RADX: variants seen among roughly 807,000 people sequenced by gnomAD.
The protein encoded by RADX is RPA1 related single stranded DNA binding protein, X-linked.
RADX carries 36 observed loss-of-function variants against 61.6 expected under a neutral mutation model. The observed-to-expected ratio is 0.58, with a 90% confidence interval of 0.45 to 0.77. The LOEUF is 0.77. RADX is among the 30% of genes least tolerant of loss of function. The pLI, the probability that RADX is intolerant of heterozygous loss-of-function variation, is 0.00. For missense variants in RADX, 497 were observed against 651.1 expected (o/e 0.76, Z 2.58); for synonymous variants, 272 against 237.9 (o/e 1.14, Z -1.32).
intron 1 of RADX, among the ~76,000 whole-genome samples, chrX:106,617,020 G>GTTTTTTTTTTTTTT (rs60413185): frequency 5.5e-5 from 3 of 54,544 alleles, no homozygotes; most frequent in Admixed American, 2.1e-4. Flanking sequence ...GTGTGTGTGG[G>GTTTTTTTTTTTTTT]TTTTTTTTTT....
At chrX:106,643,424 T>C (rs1195683516) in intron 10 of RADX, among the ~76,000 whole-genome samples, 1 of 110,635 alleles carries the variant, frequency 9.0e-6, no homozygotes, top group Non-Finnish European at 1.9e-5. Context: ...TCCTGTAGAT[T>C]TTGCCCAATG....
Position 106,648,404 on chromosome X carries a change from A to G in RADX, c.1978+18A>G, listed in dbSNP as rs367611008. The G allele has an allele frequency of 1.1e-4, 119 of 1,072,733 alleles. No homozygotes were observed. Among genetic ancestry groups the G allele is most frequent in the Non-Finnish European group, 1.5e-4 (113 of 775,061 alleles). The allele number at this position is 1,072,733 out of a possible 1,213,427, so 88.4% of individuals were successfully genotyped here. On this transcript the variant is annotated intron_variant, in intron 11 of 13. Coordinates refer to ENST00000372548, the MANE Select transcript of RADX (RefSeq NM_018015.6). ...CTTCAACCGTATGTTACTATTTGTT[A>G]TTATTATTTATGAAAACTTTATGAA...
Position 106,669,090 on chromosome X carries a change from A to T in RADX, c.2270-73A>T, listed in dbSNP as rs1928301285. 3.5e-6 allele frequency: 3 copies of T among 847,618 alleles called. No individual in the cohort carries two copies. The Admixed American group carries it at 7.3e-5, about 21-fold the overall frequency. The allele number at this position is 847,618 out of a possible 1,213,427, so 69.9% of individuals were successfully genotyped here. ...GCTATCTGGAACATGTTGGGATCAA[A>T]CCAGCAAACTCGGCATCAGCACCAC... On this transcript the variant is annotated intron_variant, in intron 12 of 13. Transcript: ENST00000372548.
intron 3 of RADX, among the ~76,000 whole-genome samples, chrX:106,625,579 A>G (rs1490949563): frequency 1.8e-5 from 2 of 111,825 alleles, no homozygotes; most frequent in Non-Finnish European, 3.8e-5. Context: ...ATATTAAGTT[A>G]ATAACGAATA....
At chrX:106,615,687 T>G (rs1926785294) in intron 1 of RADX, among the ~76,000 whole-genome samples, 1 of 108,500 alleles carries the variant, frequency 9.2e-6, no homozygotes, top group African/African-American at 3.6e-5. Context: ...TCTTACATTT[T>G]TATAAGATCC....
rs759702196 is a variant in RADX at position 106,625,194 on chromosome X, G to A, written c.891G>A (p.Leu297=). 8 of 1,205,443 alleles carry A rather than the reference G, an allele frequency of 6.6e-6. No individual in the cohort carries two copies. Among genetic ancestry groups the A allele is most frequent in the African/African-American group, 3.5e-5 (2 of 57,564 alleles). Residue 297 remains leucine (L), a synonymous_variant, in exon 3 of 14, where the codon CTG becomes CTA. Transcript: ENST00000372548. The part of the protein sequence containing the change: ...YKSLRVGLVL[L]LQDYSVKKSY... ...GTTTGCGGGTTGGTTTAGTTCTTCT[G>A]CTTCAAGACTATTCTGTTAAAAAGA...
At chrX:106,675,895 A>G (rs190334521) in intron 13 of RADX, among the ~76,000 whole-genome samples, 65 of 111,782 alleles carry the variant, frequency 5.8e-4, no homozygotes, top group African/African-American at 1.9e-3. Context: ...CTGTGTGTCA[A>G]CTACCATTCT....
chrX:106,648,602 G>T (rs1349991110), intron 11 of RADX, among the ~76,000 whole-genome samples: 8 of 109,598 alleles, frequency 7.3e-5, no homozygotes, highest in Non-Finnish European at 1.5e-4. Flanking sequence ...TTACCAGTTT[G>T]TTTCATTAGT....
At chrX:106,637,945 C>A in intron 8 of RADX, 21 bp downstream of exon 8, 1 of 1,136,742 alleles carries the variant, frequency 8.8e-7, no homozygotes, top group Non-Finnish European at 1.2e-6. Flanking sequence ...AATTGCCAGT[C>A]CTTCTAAATA....
At chrX:106,614,118 T>C (rs1926744499) in intron 1 of RADX, among the ~76,000 whole-genome samples, 1 of 111,843 alleles carries the variant, frequency 8.9e-6, no homozygotes, top group Non-Finnish European at 1.9e-5. Flanking sequence ...CATATTGATG[T>C]TCACTGTAAA....
intron 8 of RADX, chrX:106,638,248 G>A (rs1428098361): frequency 1.4e-5 from 2 of 147,172 alleles, no homozygotes; most frequent in African/African-American, 6.7e-5. Context: ...AATCTGAAAT[G>A]TTCCAAAACC....
Position 106,662,038 on chromosome X carries a change from C to T in RADX, c.2002C>T (p.Leu668=). The T allele has an allele frequency of 8.3e-7, 1 of 1,209,621 alleles. No individual in the cohort carries two copies. The highest frequency in any genetic ancestry group is 1.7e-5 in the African/African-American group (1 of 57,561). ...FNRRANINAN[L]QGKARKTISD... is the part of the protein sequence containing the mutation. ...AGGTCGAGCAAATATAAATGCTAAT[C>T]TGCAAGGGAAAGCCAGAAAAACTAT... Residue 668 remains leucine, a synonymous_variant, in exon 12 of 14, where the codon CTG becomes TTG. Coordinates refer to ENST00000372548, the MANE Select transcript of RADX (RefSeq NM_018015.6).
At chrX:106,613,976 C>T (rs1396183981) in intron 1 of RADX, among the ~76,000 whole-genome samples, 1 of 111,729 alleles carries the variant, frequency 9.0e-6, no homozygotes, top group African/African-American at 3.2e-5. Context: ...TTCATTAAAA[C>T]CATATTTATA....
In RADX at chrX:106,612,713, C is replaced by T; in HGVS notation, c.633C>T (p.His211=). Residue 211 remains histidine, a synonymous_variant, in exon 1 of 14, where the codon CAC becomes CAT. Coordinates refer to ENST00000372548, the MANE Select transcript of RADX (RefSeq NM_018015.6). The part of the protein sequence containing the change: ...IWLTDKQPEE[H]NFSDTKIISL... ...TAACAGACAAGCAACCTGAGGAACA[C>T]AACTTTAGCGGTAAGTGTTTGGAAA... is the stretch of plus-strand genomic sequence containing the variant. 1 of 1,191,480 alleles carries T rather than the reference C, an allele frequency of 8.4e-7. No homozygotes were observed.
At chrX:106,631,823 GAAAGA>G (rs1927237153) in intron 3 of RADX, among the ~76,000 whole-genome samples, 1 of 106,547 alleles carries the variant, frequency 9.4e-6, no homozygotes, top group African/African-American at 3.5e-5. Context: ...GAGAAAGAAA[GAAAGA>G]AAAGAAAGAA....
intron 2 of RADX, among the ~76,000 whole-genome samples, chrX:106,623,083 T>C (rs950415245): frequency 9.0e-6 from 1 of 111,004 alleles, no homozygotes; most frequent in African/African-American, 3.3e-5. Context: ...TCTGTGCCAA[T>C]ATATAAACAT....
At chrX:106,618,236 G>GT (rs1048104607) in intron 1 of RADX, among the ~76,000 whole-genome samples, 6 of 110,264 alleles carry the variant, frequency 5.4e-5, no homozygotes, top group Admixed American at 9.6e-5. Flanking sequence ...CAGTTTTGTC[G>GT]TTTTTTTTAA....
intron 11 of RADX, among the ~76,000 whole-genome samples, chrX:106,661,007 A>G (rs1928076383): frequency 9.0e-6 from 1 of 111,230 alleles, no homozygotes; most frequent in African/African-American, 3.3e-5. Context: ...AAACACTTAT[A>G]AAACCATCAG....
intron 11 of RADX, among the ~76,000 whole-genome samples, chrX:106,654,333 C>G (rs1188882058): frequency 9.0e-6 from 1 of 110,892 alleles, no homozygotes; most frequent in Non-Finnish European, 1.9e-5. Flanking sequence ...TAAATATCTT[C>G]TTTTGAGAAG....
Sources: allele counts gnomAD v4.1 joint callset (sites outside exome capture counted in the v4.1 genomes callset), GRCh38; gene constraint gnomAD v4.1.1; transcripts MANE v1.5; gene names NCBI Gene and HGNC (gene_info 2026-07-23, HGNC 2026-07-21).